Variants in CUL2 observed in about 807,000 individuals in gnomAD.
CUL2 encodes the protein cullin 2, also known as cullin-2.
In CUL2, 22 loss-of-function variants were observed where a neutral mutation model predicts 110.2. The ratio of observed to expected loss-of-function variants is 0.20; its 90% confidence interval spans 0.14 to 0.28. The LOEUF (loss-of-function observed/expected upper bound fraction) is 0.28, where lower values mean the gene tolerates loss of function less well. Ranked by LOEUF, CUL2 falls within the 10% of genes least tolerant of loss-of-function variation. The pLI is 1.00. For synonymous variants in CUL2, 279 were observed against 293.2 expected, an observed-to-expected ratio of 0.95 and a Z score of 0.49; for missense variants, 631 against 905.5, an observed-to-expected ratio of 0.70 and a Z score of 3.89.
At chr10:35,094,001 AT>A (rs2087255292), upstream of CUL2, among the ~76,000 whole-genome samples, 1 of 152,088 alleles carries the variant, frequency 6.6e-6, no homozygotes, top group Non-Finnish European at 1.5e-5. Context: ...AAAAATTTTT[AT>A]CCTTTAAATT....
At position 35,031,571 on chromosome 10, in the gene CUL2, T is replaced by C; in HGVS notation, c.1219A>G (p.Thr407Ala). 1 of 1,614,146 alleles carries C rather than the reference T, an allele frequency of 6.2e-7. No homozygotes were observed. The highest frequency in any genetic ancestry group is 8.5e-7 in the Non-Finnish European group (1 of 1,179,994). ...AGCCTGTCTTCCACTTCATTCTCTGTCATCCCTTTCGCTGACTTCTTCAGT... is the reference window on the plus strand; with the variant it reads ...AGCCTGTCTTCCACTTCATTCTCTGCCATCCCTTTCGCTGACTTCTTCAGT... ...NLLKKSAKGM[T>A]ENEVEDRLTS... Residue 407 changes from threonine (T) to alanine (A), a missense_variant, in exon 13 of 21, where the codon ACA (threonine) becomes GCA (alanine). Physicochemically the swap from Thr to Ala is moderately conservative, Grantham distance 58 (BLOSUM62 0). This residue lies in a region of CUL2 where 134 missense variants were observed against 260.4 expected (regional missense o/e 0.51). Transcript: ENST00000374749. This position sits in a 1 kb window ranked among gnomAD's most constrained non-coding sequence, Gnocchi z 4.4.
chr10:35,068,346 T>C (rs1272482125), intron 2 of CUL2, among the ~76,000 whole-genome samples: 1 of 151,886 alleles, frequency 6.6e-6, no homozygotes, highest in Non-Finnish European at 1.5e-5. Context: ...CACTTGAACC[T>C]GGGAGGTGGA....
In CUL2 at chr10:35,062,941, C is replaced by A; in HGVS notation, c.222+19G>T. 7.8e-7 allele frequency: 1 copy of A among 1,287,306 alleles called. No individual in the cohort carries two copies. Among genetic ancestry groups the A allele is most frequent in the East Asian group, 2.3e-5 (1 of 43,324 alleles). 79.7% of individuals were successfully genotyped at this position (1,287,306 alleles called of 1,614,324 possible). ...TACAACTATCAACATATTTATATCA[C>A]GTATGTATCATTGCTTACCTTATGC... On this transcript the variant is annotated intron_variant, in intron 3 of 20. Transcript: ENST00000374749.
At chr10:35,114,630 C>T (rs2087569777) in intron 1 of CUL2, among the ~76,000 whole-genome samples, 1 of 152,024 alleles carries the variant, frequency 6.6e-6, no homozygotes, top group Non-Finnish European at 1.5e-5. Context: ...ATCTGTCCGC[C>T]TCGGCCTCCC....
At chr10:35,047,882 TAGAC>T (rs1490553972) in intron 6 of CUL2, among the ~76,000 whole-genome samples, 1 of 151,550 alleles carries the variant, frequency 6.6e-6, no homozygotes, top group Admixed American at 6.6e-5. Context: ...TCCAGCCTAG[TAGAC>T]AGAGTGGGAA....
At chr10:35,027,768 T>G (rs1036475923) in intron 16 of CUL2, among the ~76,000 whole-genome samples, 2 of 152,256 alleles carry the variant, frequency 1.3e-5, no homozygotes, top group Non-Finnish European at 2.9e-5. Context: ...ACAAACTCCC[T>G]CTACTGGTAA....
chr10:35,095,824 G>C (rs2087289457), intron 2 of CUL2, among the ~76,000 whole-genome samples: 1 of 152,106 alleles, frequency 6.6e-6, no homozygotes, highest in Admixed American at 6.6e-5. Context: ...GCCTCCCAAA[G>C]AGTTGAGATT....
intron 9 of CUL2, among the ~76,000 whole-genome samples, chr10:35,036,901 T>C (rs1168032031): frequency 1.3e-5 from 2 of 152,162 alleles, no homozygotes; most frequent in Admixed American, 1.3e-4. Flanking sequence ...GCCTGGCTAA[T>C]GCTTGTATTT....
chr10:35,121,262 C>CT (rs1473967697), intron 1 of CUL2, among the ~76,000 whole-genome samples: 1 of 152,190 alleles, frequency 6.6e-6, no homozygotes, highest in Non-Finnish European at 1.5e-5. Flanking sequence ...CTCACTCACT[C>CT]TGTCGCCCAG....
rs371363302 is a variant in CUL2, at chr10:35,044,767, T to C, written c.603+5A>G. ...GATTATTTGTTTTTAAAGGAGGCTG[T>C]TTACCTTTAAGGGGAATTTTTTCTT... On this transcript the variant is annotated splice_donor_5th_base_variant and intron_variant, in intron 7 of 20. Transcript: ENST00000374749. 5.0e-6 allele frequency: 8 copies of C among 1,602,620 alleles called. No individual in the cohort carries two copies. Among genetic ancestry groups the C allele is most frequent in the Non-Finnish European group, 6.0e-6 (7 of 1,172,062 alleles).
chr10:35,081,242 T>C lies in CUL2; in HGVS notation c.-23+8937A>G, dbSNP rs368069804. ...ATCTTGTCACAAAAAAGCAGCTACC[T>C]GCTTCCAAAAATAAACCCACTGCAC... is the stretch of plus-strand genomic sequence containing the variant. On this transcript the variant is annotated intron_variant, in intron 1 of 20. Coordinates refer to ENST00000374749, the MANE Select transcript of CUL2 (RefSeq NM_003591.4). 7.2e-5 allele frequency among the ~76,000 whole-genome samples: 11 copies of C among 152,154 alleles called. No homozygotes were observed. The East Asian group carries it at 2.1e-3, about 29-fold the overall frequency.
intron 1 of CUL2, among the ~76,000 whole-genome samples, chr10:35,079,079 C>T (rs2086887258): frequency 1.3e-5 from 2 of 152,004 alleles, no homozygotes; most frequent in Admixed American, 6.6e-5. Flanking sequence ...CAGGAATGCC[C>T]GAAACTATGT....
chr10:35,107,798 C>T (rs978862729), intron 1 of CUL2, among the ~76,000 whole-genome samples: 3 of 136,794 alleles, frequency 2.2e-5, no homozygotes, highest in African/African-American at 8.3e-5. Flanking sequence ...AGGAGACTGG[C>T]ATGAACCTGG....
intron 1 of CUL2, among the ~76,000 whole-genome samples, chr10:35,115,711 T>C (rs1001032227): frequency 9.9e-5 from 15 of 151,900 alleles, no homozygotes; most frequent in Admixed American, 3.3e-4. Flanking sequence ...CTGGGCAACA[T>C]AGTGACACCC....
intron 20 of CUL2, among the ~76,000 whole-genome samples, chr10:35,011,168 C>T (rs1284695907): frequency 1.3e-5 from 2 of 151,712 alleles, no homozygotes; most frequent in Non-Finnish European, 1.5e-5. Context: ...GTAGTTGGTA[C>T]TACAAGTGTG....
intron 3 of CUL2, among the ~76,000 whole-genome samples, chr10:35,061,733 A>C (rs1414767068): frequency 6.6e-6 from 1 of 152,012 alleles, no homozygotes; most frequent in Non-Finnish European, 1.5e-5. Flanking sequence ...ATTTTCAGGG[A>C]AACAGCACAC....
At chr10:35,083,029 T>A (rs994137484) in intron 1 of CUL2, among the ~76,000 whole-genome samples, 1 of 151,512 alleles carries the variant, frequency 6.6e-6, no homozygotes, top group Non-Finnish European at 1.5e-5. Flanking sequence ...TGGTGGCAGG[T>A]GCCTGTAATC....
intron 17 of CUL2, among the ~76,000 whole-genome samples, chr10:35,017,530 C>A (rs762704954): frequency 1.4e-4 from 22 of 152,008 alleles, no homozygotes; most frequent in Non-Finnish European, 2.8e-4. Context: ...CTTGTCTCTA[C>A]TAAAAATACA....
Position 35,010,329 on chromosome 10 carries a change from T to C in CUL2, c.2220A>G (p.Glu740=). The C allele has an allele frequency of 6.2e-7, 1 of 1,610,922 alleles. No homozygotes were observed. Among genetic ancestry groups the C allele is most frequent in the Non-Finnish European group, 8.5e-7 (1 of 1,178,570 alleles). ...YIERSQASAD[E]YSYVA is the part of the protein sequence containing the mutation. ...AGCGACATCACGCGACGTAGCTGTA[T>C]TCATCTGCCGACGCCTGGCTGCGTT... Residue 740 remains glutamate, a synonymous_variant, in exon 21 of 21, where the codon GAA becomes GAG. Transcript: ENST00000374749.
Sources: allele counts gnomAD v4.1 joint callset (sites outside exome capture counted in the v4.1 genomes callset), GRCh38; gene constraint gnomAD v4.1.1; regional missense constraint gnomAD v4.1.1; non-coding constraint Gnocchi (gnomAD v3.1); transcripts MANE v1.5; gene names NCBI Gene and HGNC (gene_info 2026-07-23, HGNC 2026-07-21).